Variants in DCLK1 observed in about 807,000 individuals in gnomAD.
DCLK1 encodes serine/threonine-protein kinase DCLK1.
A neutral mutation model predicts 86.2 loss-of-function variants in DCLK1; 16 were observed. That is an observed-to-expected ratio of 0.19 (90% CI 0.13 to 0.28). The LOEUF is 0.28. Ranked by LOEUF, DCLK1 falls within the 10% of genes least tolerant of loss-of-function variation. The pLI is 1.00. For synonymous variants in DCLK1, 369 were observed against 370.5 expected, an observed-to-expected ratio of 1.00 and a Z score of 0.05; for missense variants, 590 against 940.2, an observed-to-expected ratio of 0.63 and a Z score of 4.87.
At chr13:35,935,694 AG>A (rs1317076574) in intron 4 of DCLK1, among the ~76,000 whole-genome samples, 1 of 152,192 alleles carries the variant, frequency 6.6e-6, no homozygotes, top group African/African-American at 2.4e-5. Flanking sequence ...AGCTCCTGAG[AG>A]GAGTCAGGGT....
At chr13:36,008,379 C>G (rs1209705065) in intron 3 of DCLK1, among the ~76,000 whole-genome samples, 4 of 80,832 alleles carry the variant, frequency 4.9e-5, no homozygotes, top group Non-Finnish European at 9.2e-5. Context: ...CCCCCTCCCC[C>G]CTCCCCACCA....
At chr13:35,840,807 G>A (rs1869739736) in intron 6 of DCLK1, among the ~76,000 whole-genome samples, 1 of 152,204 alleles carries the variant, frequency 6.6e-6, no homozygotes, top group Non-Finnish European at 1.5e-5. Flanking sequence ...GAGCTTCTAA[G>A]CCACCCTCTG....
At chr13:36,093,735 A>T (rs1489253486) in intron 3 of DCLK1, among the ~76,000 whole-genome samples, 1 of 152,112 alleles carries the variant, frequency 6.6e-6, no homozygotes. Context: ...GGAATTTTAG[A>T]ATAATTTTGA....
At chr13:36,125,681 G>T (rs1593913231) in intron 2 of DCLK1, 81 bp downstream of exon 2, 1 of 1,519,810 alleles carries the variant, frequency 6.6e-7, no homozygotes. Context: ...CTGTCAGAGG[G>T]CAAATGCGAA....
At chr13:36,096,281 G>T (rs1885019301) in intron 3 of DCLK1, among the ~76,000 whole-genome samples, 3 of 152,166 alleles carry the variant, frequency 2.0e-5, no homozygotes. Context: ...CTTGTAAGAG[G>T]CTTCACAGGG....
In DCLK1 at chr13:35,805,684, G is replaced by A. The variant is rs748715907; in HGVS notation, c.1944+15C>T. On this transcript the variant is annotated intron_variant, in intron 15 of 16. Transcript: ENST00000360631. ...ATGTTAGGAGAGAACAAAGGAAATG[G>A]TGCGAGTCACTTACATTAACCCAGG... 3.7e-6 allele frequency: 6 copies of A among 1,609,304 alleles called. No homozygotes were observed. The highest frequency in any genetic ancestry group is 4.2e-6 in the Non-Finnish European group (5 of 1,177,700).
chr13:36,125,267 C>G (rs866751382), intron 2 of DCLK1, among the ~76,000 whole-genome samples: 3 of 152,130 alleles, frequency 2.0e-5, no homozygotes, highest in Admixed American at 1.3e-4. Context: ...TATCTTACCA[C>G]GTAACCACCG....
intron 3 of DCLK1, among the ~76,000 whole-genome samples, chr13:36,037,853 T>TA (rs1446818898): frequency 6.6e-6 from 1 of 151,902 alleles, no homozygotes; most frequent in Non-Finnish European, 1.5e-5. Flanking sequence ...ATGTATCAAT[T>TA]AAAAAAAGAA....
In DCLK1 at chr13:36,125,743, G is replaced by T. The variant is rs779877665; in HGVS notation, c.376+19C>A. The T allele has an allele frequency of 1.1e-5, 17 of 1,602,918 alleles. No homozygotes were observed. Among genetic ancestry groups the T allele is most frequent in the Admixed American group, 5.0e-5 (3 of 59,512 alleles). On this transcript the variant is annotated intron_variant, in intron 2 of 16. Transcript: ENST00000360631. ...CTGGAACCTGTAGGGTCACGTGGGG[G>T]TTATCTCACAGCGCTCACCTTCCAC...
At chr13:36,030,212 A>G (rs1882213156) in intron 3 of DCLK1, among the ~76,000 whole-genome samples, 2 of 152,120 alleles carry the variant, frequency 1.3e-5, no homozygotes, top group Admixed American at 1.3e-4. Context: ...ACCTGTCTGA[A>G]CCCCACTGTC....
intron 3 of DCLK1, among the ~76,000 whole-genome samples, chr13:35,984,549 A>G (rs947781625): frequency 6.6e-5 from 10 of 152,132 alleles, no homozygotes; most frequent in African/African-American, 1.9e-4. Context: ...AAACTCTGAC[A>G]CCCAAACTGC....
chr13:36,089,514 C>T lies in DCLK1; in HGVS notation c.723+22355G>A, dbSNP rs146879666. Among the ~76,000 whole-genome samples, 26 of 152,306 alleles carry T rather than the reference C, an allele frequency of 1.7e-4. No individual in the cohort carries two copies. The East Asian group carries it at 3.3e-3, about 19-fold the overall frequency. ...TGACACTTCTCTGCAGGACCACCCT[C>T]GAACAGGAACTCCGGGTTGTCCATT... On this transcript the variant is annotated intron_variant, in intron 3 of 16. Coordinates refer to ENST00000360631, the MANE Select transcript of DCLK1 (RefSeq NM_001330071.2).
chr13:35,881,902 A>G (rs1399341172), intron 4 of DCLK1, among the ~76,000 whole-genome samples: 1 of 152,172 alleles, frequency 6.6e-6, no homozygotes, highest in Non-Finnish European at 1.5e-5. Context: ...GAACATCTCC[A>G]ATCTCATGCT....
At chr13:35,916,867 C>G (rs1875447085) in intron 4 of DCLK1, among the ~76,000 whole-genome samples, 1 of 152,178 alleles carries the variant, frequency 6.6e-6, no homozygotes, top group Non-Finnish European at 1.5e-5. Context: ...GAAGGCCTCT[C>G]AGACCTTCCA....
chr13:35,799,962 T>C (rs998263989), intron 15 of DCLK1, among the ~76,000 whole-genome samples: 8 of 152,170 alleles, frequency 5.3e-5, no homozygotes, highest in Non-Finnish European at 1.0e-4. Flanking sequence ...GGAAACATAG[T>C]TGGGATAATT....
chr13:35,813,782 A>C (rs1268296631), intron 11 of DCLK1, among the ~76,000 whole-genome samples: 4 of 148,328 alleles, frequency 2.7e-5, no homozygotes, highest in African/African-American at 9.9e-5. Context: ...ATTTTTGTGA[A>C]CATAAAGAGG....
chr13:35,824,063 C>T (rs1266545446), intron 10 of DCLK1, among the ~76,000 whole-genome samples: 2 of 152,206 alleles, frequency 1.3e-5, no homozygotes, highest in African/African-American at 2.4e-5. Flanking sequence ...GGGACAGTCA[C>T]CGTGGTCTAT....
intron 8 of DCLK1, 52 bp from the exon 9 acceptor site, chr13:35,828,359 T>C (rs1233041763): frequency 1.4e-6 from 2 of 1,454,662 alleles, no homozygotes; most frequent in Non-Finnish European, 1.9e-6. Context: ...TCAAATCTAT[T>C]GAATTATTTT....
chr13:36,029,404 T>G (rs1882177043), intron 3 of DCLK1, among the ~76,000 whole-genome samples: 1 of 152,230 alleles, frequency 6.6e-6, no homozygotes, highest in Admixed American at 6.5e-5. Flanking sequence ...CTGTCTTATT[T>G]TCCTTATTGC....
Sources: gnomAD v4.1 joint callset for allele counts (sites outside exome capture counted in the v4.1 genomes callset) on GRCh38, gnomAD v4.1.1 for gene constraint, MANE v1.5 for transcripts, NCBI Gene and HGNC (gene_info 2026-07-23, HGNC 2026-07-21) for gene names.